PHACTR2: variants seen among roughly 807,000 people sequenced by gnomAD.
PHACTR2 encodes chromosome 6 open reading frame 56.
Under a neutral mutation model 76.0 loss-of-function variants are expected in PHACTR2, and 30 were observed. The ratio of observed to expected loss-of-function variants is 0.39; its 90% CI spans 0.30 to 0.54. The LOEUF is 0.54. PHACTR2 is among the 20% of genes least tolerant of loss of function. The pLI, the probability that PHACTR2 is intolerant of heterozygous loss-of-function variation, is 0.61. For missense variants in PHACTR2, 696 were observed against 781.1 expected, an observed-to-expected ratio of 0.89 and a Z score of 1.30; for synonymous variants, 292 against 292.5, an observed-to-expected ratio of 1.00 and a Z score of 0.02.
chr6:143,651,439 C>G (rs1307252434), intron 1 of PHACTR2, among the ~76,000 whole-genome samples: 19 of 152,082 alleles, frequency 1.2e-4, no homozygotes, highest in Non-Finnish European at 2.9e-5. Flanking sequence ...TGGAATCAAC[C>G]TAAATGCCCA....
rs1443354829 is a variant in PHACTR2 at position 143,679,728 on chromosome 6, A to C, written c.46+1519A>C. ...TATATAAATGATGTCTAAGAAGCAAATAAAATCCTAAAGTGAGACTCCCTA... is the reference window on the plus strand; with the variant it reads ...TATATAAATGATGTCTAAGAAGCAACTAAAATCCTAAAGTGAGACTCCCTA... On this transcript the variant is annotated intron_variant, in intron 1 of 12. Transcript: ENST00000440869. This position sits in a 1 kb window ranked among gnomAD's most constrained non-coding sequence, Gnocchi z 4.6. Among the ~76,000 whole-genome samples the C allele has an allele frequency of 6.6e-6, 1 of 152,086 alleles. No homozygotes were observed. The highest frequency in any genetic ancestry group is 1.5e-5 in the Non-Finnish European group (1 of 68,000).
At position 143,618,606 on chromosome 6, in the gene PHACTR2, T is replaced by TG. The variant is rs11334578; in HGVS notation, c.13+10292dup. On this transcript the variant is annotated intron_variant, in intron 1 of 11. Transcript: ENST00000305766. This position sits in a 1 kb window ranked among gnomAD's most constrained non-coding sequence, Gnocchi z 5.2. The stretch of plus-strand genomic sequence containing the variant: ...TCCACCAGGGACTGGCAGGGGAGGC[T>TG]GGGGGGGGATAGGGGTTGAATGTTT... 1.1e-4 allele frequency among the ~76,000 whole-genome samples: 16 copies of TG among 151,214 alleles called. No homozygotes were observed. Among genetic ancestry groups the TG allele is most frequent in the African/African-American group, 3.6e-4 (15 of 41,124 alleles).
chr6:143,623,199 T>C lies in PHACTR2; in HGVS notation c.13+14877T>C, dbSNP rs1231723232. ...ACTAAATTAATAAATTAAATATTGT[T>C]ATAAGAAAAAAGCCAAATTACCTTC... On this transcript the variant is annotated intron_variant, in intron 1 of 11. Coordinates refer to the PHACTR2 transcript ENST00000305766. The surrounding 1 kb of genome is among the most constrained non-coding windows in gnomAD (Gnocchi z 5.9). Among the ~76,000 whole-genome samples, 2 of 152,134 alleles carry C rather than the reference T, an allele frequency of 1.3e-5. No individual in the cohort carries two copies. The highest frequency in any genetic ancestry group is 2.4e-5 in the African/African-American group (1 of 41,422).
At position 143,578,057 on chromosome 6, in the gene PHACTR2, A is replaced by G. The variant is rs1034182129; in HGVS notation, c.217+40850A>G. Reference sequence around the variant, plus strand: ...AACACCTGTGAGAATTCCACAGTCAACTTGCTTACTAGGCCCCTCCCTTTC... The same window carrying G: ...AACACCTGTGAGAATTCCACAGTCAGCTTGCTTACTAGGCCCCTCCCTTTC... On this transcript the variant is annotated intron_variant, in intron 1 of 11. Transcript: ENST00000367584. The surrounding 1 kb of genome is among the most constrained non-coding windows in gnomAD (Gnocchi z 4.5). 1.3e-5 allele frequency among the ~76,000 whole-genome samples: 2 copies of G among 152,166 alleles called. No homozygotes were observed. The highest frequency in any genetic ancestry group is 1.9e-4 in the East Asian group (1 of 5,194).
At position 143,795,190 on chromosome 6, in the gene PHACTR2, G is replaced by A. The variant is rs1015635263; in HGVS notation, c.1845+6280G>A. Among the ~76,000 whole-genome samples the A allele has an allele frequency of 6.6e-6, 1 of 152,034 alleles. No homozygotes were observed. Among genetic ancestry groups the A allele is most frequent in the Non-Finnish European group, 1.5e-5 (1 of 68,026 alleles). ...GCACTTTGGGAGGCCAAGGTGGGAGGGTCACTTGAGGCCAGGAGTTAAAGA... is the reference window on the plus strand; with the variant it reads ...GCACTTTGGGAGGCCAAGGTGGGAGAGTCACTTGAGGCCAGGAGTTAAAGA... On this transcript the variant is annotated intron_variant, in intron 11 of 12. Transcript: ENST00000440869. This position sits in a 1 kb window ranked among gnomAD's most constrained non-coding sequence, Gnocchi z 4.8.
At chr6:143,717,266 C>T (rs1778324110) in intron 2 of PHACTR2, among the ~76,000 whole-genome samples, 1 of 152,186 alleles carries the variant, frequency 6.6e-6, no homozygotes, top group African/African-American at 2.4e-5. Context: ...GGGTCAGTAA[C>T]ATGTCTCTTC....
In PHACTR2 at chr6:143,782,666, A is replaced by C. The variant is rs193142381; in HGVS notation, c.1646-553A>C. The stretch of plus-strand genomic sequence containing the variant: ...TTTAGAACATTCTGGTTTGAAAGCA[A>C]AGTCCAAGGAAATGCTTACATTCTG... On this transcript the variant is annotated intron_variant, in intron 9 of 12. Transcript: ENST00000440869. This position sits in a 1 kb window ranked among gnomAD's most constrained non-coding sequence, Gnocchi z 4.6. Among the ~76,000 whole-genome samples the C allele has an allele frequency of 2.7e-3, 407 of 152,324 alleles. No homozygotes were observed. Among genetic ancestry groups the C allele is most frequent in the Non-Finnish European group, 4.1e-3 (277 of 68,028 alleles).
In PHACTR2 at chr6:143,570,500, T is replaced by A. The variant is rs1478288725; in HGVS notation, c.217+33293T>A. Reference sequence around the variant, plus strand: ...ATCGACTGCATTTCAAATACAGCCATGAAAATGTTCTATCAATAGCTTTCT... The same window carrying A: ...ATCGACTGCATTTCAAATACAGCCAAGAAAATGTTCTATCAATAGCTTTCT... On this transcript the variant is annotated intron_variant, in intron 1 of 11. Coordinates refer to the PHACTR2 transcript ENST00000367584. The surrounding 1 kb of genome is among the most constrained non-coding windows in gnomAD (Gnocchi z 4.6). 6.6e-6 allele frequency among the ~76,000 whole-genome samples: 1 copy of A among 152,186 alleles called. No individual in the cohort carries two copies. Among genetic ancestry groups the A allele is most frequent in the East Asian group, 1.9e-4 (1 of 5,204 alleles).
rs528344474 is a variant in PHACTR2, at chr6:143,558,629, T to G, written c.217+21422T>G. On this transcript the variant is annotated intron_variant, in intron 1 of 11. Transcript: ENST00000367584. The surrounding 1 kb of genome is among the most constrained non-coding windows in gnomAD (Gnocchi z 4.7). ...TCCTTTGTCATTTTCTTTAGTAATATTCTGGGTAGAGAAAGGTAAGGAGTG... is the reference window on the plus strand; with the variant it reads ...TCCTTTGTCATTTTCTTTAGTAATAGTCTGGGTAGAGAAAGGTAAGGAGTG... Among the ~76,000 whole-genome samples, 56 of 152,366 alleles carry G rather than the reference T, an allele frequency of 3.7e-4. No individual in the cohort carries two copies. The Middle Eastern group carries it at 0.01, about 28-fold the overall frequency.
chr6:143,779,645 G>T (rs1298780370), intron 9 of PHACTR2, among the ~76,000 whole-genome samples: 9 of 152,070 alleles, frequency 5.9e-5, no homozygotes, highest in Non-Finnish European at 1.3e-4. Context: ...ACCGTGCCCG[G>T]CCCTAACTAG....
At position 143,672,538 on chromosome 6, in the gene PHACTR2, A is replaced by T. The variant is rs1211886800; in HGVS notation, c.14-39478A>T. ...TTAATTCTGACCACCTACTATTAGAATTTAATCTTTCTTTAATTCAGGAAG... is the reference window on the plus strand; with the variant it reads ...TTAATTCTGACCACCTACTATTAGATTTTAATCTTTCTTTAATTCAGGAAG... On this transcript the variant is annotated intron_variant, in intron 1 of 11. Transcript: ENST00000305766. The surrounding 1 kb of genome is among the most constrained non-coding windows in gnomAD (Gnocchi z 5.8). Among the ~76,000 whole-genome samples the T allele has an allele frequency of 6.6e-6, 1 of 152,166 alleles. No individual in the cohort carries two copies. The highest frequency in any genetic ancestry group is 2.4e-5 in the African/African-American group (1 of 41,460).
chr6:143,664,789 T>A lies in PHACTR2; in HGVS notation c.14-47227T>A, dbSNP rs1056417276. Among the ~76,000 whole-genome samples, 2 of 151,960 alleles carry A rather than the reference T, an allele frequency of 1.3e-5. No individual in the cohort carries two copies. The highest frequency in any genetic ancestry group is 2.9e-5 in the Non-Finnish European group (2 of 67,986). ...CTCTAGGTTCATTTTCTTTCTTTAT[T>A]TTTATTTTATTTTATTATTATTATT... On this transcript the variant is annotated intron_variant, in intron 1 of 11. Coordinates refer to the PHACTR2 transcript ENST00000305766. The surrounding 1 kb of genome is among the most constrained non-coding windows in gnomAD (Gnocchi z 5.1).
chr6:143,774,197 T>C lies in PHACTR2; in HGVS notation c.1571T>C (p.Ile524Thr), dbSNP rs1268412018. 6.2e-7 allele frequency: 1 copy of C among 1,613,990 alleles called. No individual in the cohort carries two copies. Among genetic ancestry groups the C allele is most frequent in the Non-Finnish European group, 8.5e-7 (1 of 1,179,906 alleles). The change falls in exon 8 of 13, where the codon ATT becomes ACT. Residue 524 changes from isoleucine (I) to threonine (T), a missense_variant. Physicochemically the swap from Ile to Thr is moderately conservative, Grantham distance 89. This residue lies in a region of PHACTR2 where 236 missense variants were observed against 330.2 expected (regional missense o/e 0.71). Coordinates refer to ENST00000440869, the MANE Select transcript of PHACTR2 (RefSeq NM_001100164.2). The surrounding 1 kb of genome is among the most constrained non-coding windows in gnomAD (Gnocchi z 5.4). ...GAGAGGCAGGAAATCCGACAACAAA[T>C]TGGAACCAAGTTAGTCAGGTAATTG... ...EEERQEIRQQ[I>T]GTKLVRRLSQ...
Position 143,818,862 on chromosome 6 carries a change from A to G in PHACTR2, c.1923-4812A>G, listed in dbSNP as rs1776357374. ...GAGGTTTCGGAGGGAACACAGCCAA[A>G]CCATATCAATTTGCCTTTCACATTG... On this transcript the variant is annotated intron_variant, in intron 12 of 12. Coordinates refer to ENST00000440869, the MANE Select transcript of PHACTR2 (RefSeq NM_001100164.2). The surrounding 1 kb of genome is among the most constrained non-coding windows in gnomAD (Gnocchi z 4.9). Among the ~76,000 whole-genome samples, 1 of 152,200 alleles carries G rather than the reference A, an allele frequency of 6.6e-6. No individual in the cohort carries two copies. The highest frequency in any genetic ancestry group is 1.5e-5 in the Non-Finnish European group (1 of 68,038).
Position 143,652,903 on chromosome 6 carries a change from A to G in PHACTR2, c.13+44581A>G, listed in dbSNP as rs556675968. Among the ~76,000 whole-genome samples the G allele has an allele frequency of 1.8e-4, 27 of 152,362 alleles. No homozygotes were observed. In the South Asian group the frequency reaches 5.6e-3, roughly 32 times the overall value. ...GGAGGATGATTCATGGTCCCTGTGCAGGCACTGCACCCAGCACCTTCTCAG... is the reference window on the plus strand; with the variant it reads ...GGAGGATGATTCATGGTCCCTGTGCGGGCACTGCACCCAGCACCTTCTCAG... On this transcript the variant is annotated intron_variant, in intron 1 of 11. Transcript: ENST00000305766. The surrounding 1 kb of genome is among the most constrained non-coding windows in gnomAD (Gnocchi z 4.5).
intron 3 of PHACTR2, among the ~76,000 whole-genome samples, chr6:143,749,724 G>A (rs1779146917): frequency 6.6e-6 from 1 of 152,028 alleles, no homozygotes; most frequent in African/African-American, 2.4e-5. Flanking sequence ...ACTTTGTTCA[G>A]AAAAGACAAG....
Position 143,755,711 on chromosome 6 carries a change from T to G in PHACTR2, c.454+1799T>G, listed in dbSNP as rs148293386. On this transcript the variant is annotated intron_variant, in intron 4 of 12. Coordinates refer to ENST00000440869, the MANE Select transcript of PHACTR2 (RefSeq NM_001100164.2). The surrounding 1 kb of genome is among the most constrained non-coding windows in gnomAD (Gnocchi z 5.2). ...CATACCACTAAAGAGGCAGTGCGGC[T>G]GTCTCCTGTGTGGAAAGTGCACACA... 2.8e-3 allele frequency among the ~76,000 whole-genome samples: 423 copies of G among 152,244 alleles called. 6 individuals carry two copies. In the East Asian group the frequency reaches 0.039, roughly 14 times the overall value.
intron 2 of PHACTR2, among the ~76,000 whole-genome samples, chr6:143,741,827 C>T (rs577069621): frequency 3.3e-5 from 5 of 152,204 alleles, no homozygotes; most frequent in African/African-American, 4.8e-5. Context: ...TGAGGCTGGG[C>T]GCAGTGGCTC....
rs957976544 is a variant in PHACTR2 at position 143,549,307 on chromosome 6, A to C, written c.217+12100A>C. The stretch of plus-strand genomic sequence containing the variant: ...CAGTTCAAACCCTTGCTTTCTGGGG[A>C]TTACGTCCCCAAGGGTGACCCTGGA... On this transcript the variant is annotated intron_variant, in intron 1 of 11. Coordinates refer to the PHACTR2 transcript ENST00000367584. The surrounding 1 kb of genome is among the most constrained non-coding windows in gnomAD (Gnocchi z 4.2). Among the ~76,000 whole-genome samples the C allele has an allele frequency of 6.6e-6, 1 of 152,136 alleles. No homozygotes were observed. Among genetic ancestry groups the C allele is most frequent in the African/African-American group, 2.4e-5 (1 of 41,544 alleles).
Sources: gnomAD v4.1 joint callset for allele counts (sites outside exome capture counted in the v4.1 genomes callset) on GRCh38, gnomAD v4.1.1 for gene constraint, gnomAD v4.1.1 regional missense constraint, Gnocchi (gnomAD v3.1) non-coding constraint, MANE v1.5 for transcripts, NCBI Gene and HGNC (gene_info 2026-07-23, HGNC 2026-07-21) for gene names.